The following NEBL variants were observed in gnomAD, a reference collection of about 807,000 sequenced individuals.
NEBL encodes LIM and SH3 protein 2.
In NEBL, 122 loss-of-function variants were observed where a neutral mutation model predicts 140.2. That is an observed-to-expected ratio of 0.87 (90% CI 0.75 to 1.01). NEBL has a LOEUF of 1.01. Among genes scored for constraint, NEBL ranks in the 50% least tolerant of loss-of-function variants. NEBL has a pLI of 0.00. For synonymous variants in NEBL, 436 were observed against 398.9 expected (o/e 1.09, Z -1.11); for missense variants, 1,365 against 1,231.3 (o/e 1.11, Z -1.62).
intron 26 of NEBL, among the ~76,000 whole-genome samples, chr10:20,805,684 C>T (rs1837548821): frequency 6.6e-6 from 1 of 152,044 alleles, no homozygotes; most frequent in South Asian, 2.1e-4. Context: ...GAAACCCCAT[C>T]TCTACTAAAA....
chr10:21,155,568 T>C (rs1840307244), intron 2 of NEBL, among the ~76,000 whole-genome samples: 1 of 152,204 alleles, frequency 6.6e-6, no homozygotes, highest in South Asian at 2.1e-4. Context: ...TTTCACTTTA[T>C]ACATAAGTAC....
chr10:20,982,273 C>A (rs769690654), intron 3 of NEBL, among the ~76,000 whole-genome samples: 1 of 152,152 alleles, frequency 6.6e-6, no homozygotes, highest in South Asian at 2.1e-4. Context: ...AGATGGGACT[C>A]CCCCTCTCCA....
intron 2 of NEBL, among the ~76,000 whole-genome samples, chr10:20,896,434 A>C (rs890699389): frequency 1.4e-5 from 2 of 146,720 alleles, no homozygotes; most frequent in African/African-American, 5.0e-5. Context: ...GGTTCTTAGC[A>C]AGCAGGTCAG....
intron 1 of NEBL, among the ~76,000 whole-genome samples, chr10:21,277,912 T>C (rs1214846284): frequency 6.6e-6 from 1 of 152,234 alleles, no homozygotes; most frequent in Non-Finnish European, 1.5e-5. Context: ...CTACCTCTTC[T>C]TGTTTGTAAA....
chr10:21,021,694 C>T (rs1838799112), intron 2 of NEBL, among the ~76,000 whole-genome samples: 1 of 152,176 alleles, frequency 6.6e-6, no homozygotes. Context: ...GACTTTTCTG[C>T]CCCTGTGCTA....
intron 2 of NEBL, among the ~76,000 whole-genome samples, chr10:21,161,101 A>T (rs750459959): frequency 2.0e-5 from 3 of 152,206 alleles, no homozygotes; most frequent in African/African-American, 2.4e-5. Context: ...GTTCATGTGC[A>T]TTATCAGTCC....
intron 3 of NEBL, among the ~76,000 whole-genome samples, chr10:21,242,821 T>C (rs1159015870): frequency 6.6e-6 from 1 of 152,116 alleles, no homozygotes; most frequent in Non-Finnish European, 1.5e-5. Context: ...CCAAACACCT[T>C]TATCTAAGGA....
intron 2 of NEBL, among the ~76,000 whole-genome samples, chr10:21,125,405 T>C (rs184559684): frequency 1.3e-3 from 199 of 152,236 alleles, no homozygotes; most frequent in Admixed American, 2.2e-3. Context: ...CTGTTTTAAA[T>C]TGGGGGTTGG....
intron 3 of NEBL, among the ~76,000 whole-genome samples, chr10:21,203,258 C>T (rs1014982816): frequency 3.3e-5 from 5 of 152,162 alleles, no homozygotes; most frequent in East Asian, 1.9e-4. Context: ...TCTCCCAAGA[C>T]GTTCTCTGTA....
intron 2 of NEBL, among the ~76,000 whole-genome samples, chr10:21,072,154 C>T (rs1017357986): frequency 5.9e-5 from 9 of 152,110 alleles, no homozygotes; most frequent in Non-Finnish European, 1.2e-4. Context: ...GAAAGAGAAT[C>T]GGTTCCATGC....
At chr10:21,203,003 G>T (rs917147716) in intron 3 of NEBL, among the ~76,000 whole-genome samples, 1 of 152,166 alleles carries the variant, frequency 6.6e-6, no homozygotes, top group Admixed American at 6.5e-5. Flanking sequence ...GTTTGGCAAC[G>T]CATTTATTTA....
At chr10:20,851,669 C>A (rs1278348753) in intron 10 of NEBL, among the ~76,000 whole-genome samples, 1 of 151,378 alleles carries the variant, frequency 6.6e-6, no homozygotes, top group Non-Finnish European at 1.5e-5. Flanking sequence ...CCTGTAATCT[C>A]TGCTACTCGG....
At position 21,000,450 on chromosome 10, in the gene NEBL, A is replaced by T. The variant is rs542530154; in HGVS notation, c.249+19667T>A. ...TGACTTTTCCTGGCCAAACAAATTT[A>T]TCCCTCCCCATCTACACAGGGTTGC... On this transcript the variant is annotated intron_variant, in intron 3 of 6. Coordinates refer to the NEBL transcript ENST00000417816. Among the ~76,000 whole-genome samples, 4 of 149,586 alleles carry T rather than the reference A, an allele frequency of 2.7e-5. No homozygotes were observed. In the South Asian group the frequency reaches 8.5e-4, roughly 32 times the overall value.
At chr10:20,922,253 C>G (rs747752202) in intron 4 of NEBL, among the ~76,000 whole-genome samples, 1 of 152,212 alleles carries the variant, frequency 6.6e-6, no homozygotes, top group Non-Finnish European at 1.5e-5. Flanking sequence ...ACTGACTCCT[C>G]TCTGTGTCAT....
chr10:20,974,132 A>C (rs1388741993), intron 3 of NEBL, among the ~76,000 whole-genome samples: 1 of 152,218 alleles, frequency 6.6e-6, no homozygotes, highest in Non-Finnish European at 1.5e-5. Context: ...TGAATAGTAG[A>C]GTCAGGATTC....
upstream of NEBL, chr10:21,174,906 T>C (rs1281657400): frequency 6.6e-6 from 1 of 152,232 alleles, no homozygotes; most frequent in African/African-American, 2.4e-5. Context: ...TAAATGAATA[T>C]GGCTCGTTTT....
intron 26 of NEBL, among the ~76,000 whole-genome samples, chr10:20,798,507 T>C (rs775537887): frequency 6.6e-6 from 1 of 152,242 alleles, no homozygotes; most frequent in Non-Finnish European, 1.5e-5. Context: ...AACTTGGATA[T>C]TGATTTTAAT....
chr10:20,825,852 T>C (rs571419806), intron 18 of NEBL, among the ~76,000 whole-genome samples: 1 of 152,154 alleles, frequency 6.6e-6, no homozygotes, highest in Non-Finnish European at 1.5e-5. Context: ...TAAAGGTTAC[T>C]GGAAGCTAAG....
At chr10:21,084,701 A>G (rs1050168483) in intron 2 of NEBL, among the ~76,000 whole-genome samples, 1 of 152,236 alleles carries the variant, frequency 6.6e-6, no homozygotes, top group African/African-American at 2.4e-5. Context: ...TTAGAAATTC[A>G]CAGAATTCAG....
Sources: allele counts gnomAD v4.1 joint callset (sites outside exome capture counted in the v4.1 genomes callset), GRCh38; gene constraint gnomAD v4.1.1; transcripts MANE v1.5; gene names NCBI Gene and HGNC (gene_info 2026-07-23, HGNC 2026-07-21).